FDFT1: variants seen among roughly 807,000 people sequenced by gnomAD.
FDFT1 encodes farnesyl-diphosphate farnesyltransferase 1.
In FDFT1, 68 loss-of-function variants were observed where a neutral mutation model predicts 46.8. The observed-to-expected ratio is 1.45, with a 90% CI of 1.19 to 1.78. FDFT1 has a LOEUF of 1.78. FDFT1 is among the 40% of genes most tolerant of loss of function. The probability of loss-of-function intolerance (pLI) is 0.00; values close to 1 mark genes in which losing one functional copy is unlikely to be tolerated. For synonymous variants in FDFT1, 351 were observed against 185.1 expected (o/e 1.90, Z -7.28); for missense variants, 928 against 524.4 (o/e 1.77, Z -7.52).
chr8:11,803,192 G>T, intron 1 of FDFT1: 2 of 1,410,970 alleles, frequency 1.4e-6, no homozygotes, highest in Non-Finnish European at 1.9e-6. Flanking sequence ...TGCGCTCCCC[G>T]TTTCGTCCCC....
At chr8:11,822,093 G>T (rs10465005) in intron 4 of FDFT1, among the ~76,000 whole-genome samples, 23 of 152,286 alleles carry the variant, frequency 1.5e-4, no homozygotes, top group African/African-American at 4.6e-4. Context: ...TAGGAGTAGG[G>T]TACTGGAGAG....
At chr8:11,825,537 C>A (rs1488612586) in intron 4 of FDFT1, among the ~76,000 whole-genome samples, 3 of 44,376 alleles carry the variant, frequency 6.8e-5, no homozygotes, top group Non-Finnish European at 1.4e-4. Flanking sequence ...GAGACTTGAT[C>A]TCAAAAAAAA....
intron 7 of FDFT1, among the ~76,000 whole-genome samples, chr8:11,832,377 A>G (rs905797268): frequency 2.6e-5 from 4 of 151,562 alleles, no homozygotes; most frequent in Non-Finnish European, 4.4e-5. Flanking sequence ...CGACATAGCA[A>G]GACCCCATTT....
chr8:11,802,233 T>TG (rs1307453642), upstream of FDFT1: 2 of 386,136 alleles, frequency 5.2e-6, no homozygotes, highest in Non-Finnish European at 1.0e-5. Flanking sequence ...AGCTTGGCGC[T>TG]GGCCCGGCCT....
Position 11,826,098 on chromosome 8 carries a change from C to T in FDFT1, c.585C>T (p.Pro195=), listed in dbSNP as rs780279430. 2 of 1,611,482 alleles carry T rather than the reference C, an allele frequency of 1.2e-6. No individual in the cohort carries two copies. Among genetic ancestry groups the T allele is most frequent in the East Asian group, 2.2e-5 (1 of 44,818 alleles). Reference sequence around the variant, plus strand: ...TCTCAGCCTCAGAGTTTGAAGACCCCTTAGTTGGTGAAGATACAGAACGTG... The same window carrying T: ...TCTCAGCCTCAGAGTTTGAAGACCCTTTAGTTGGTGAAGATACAGAACGTG... ...RLFSASEFED[P]LVGEDTERAN... Residue 195 remains proline (P), a synonymous_variant, in exon 5 of 8, where the codon CCC becomes CCT. Coordinates refer to ENST00000220584, the MANE Select transcript of FDFT1 (RefSeq NM_004462.5).
In FDFT1 at chr8:11,802,805, C is replaced by A. The variant is rs377211006; in HGVS notation, c.-28C>A. On this transcript the variant is annotated 5_prime_UTR_variant, in exon 1 of 8. Coordinates refer to ENST00000220584, the MANE Select transcript of FDFT1 (RefSeq NM_004462.5). ...CTGGGGACCGCAGAGGTGAGAGTCG[C>A]GCCCGGGAGTCCGCCGCCTGCGCCA... is the stretch of plus-strand genomic sequence containing the variant. 5.1e-6 allele frequency: 8 copies of A among 1,574,206 alleles called. No homozygotes were observed. The highest frequency in any genetic ancestry group is 6.1e-6 in the Non-Finnish European group (7 of 1,152,984).
intron 3 of FDFT1, among the ~76,000 whole-genome samples, chr8:11,810,904 T>C (rs1807622083): frequency 6.9e-6 from 1 of 144,488 alleles, no homozygotes; most frequent in African/African-American, 2.6e-5. Flanking sequence ...AAAGAATCTT[T>C]GATTCTTGGG....
chr8:11,802,015 A>G (rs371283478), upstream of FDFT1: 96 of 456,024 alleles, frequency 2.1e-4, no homozygotes, highest in African/African-American at 1.6e-3. Flanking sequence ...CTAGGGCTGG[A>G]GAGATCTAGG....
chr8:11,809,925 T>C (rs1383720968), intron 3 of FDFT1, 75 bp downstream of exon 3: 5 of 1,146,930 alleles, frequency 4.4e-6, no homozygotes, highest in Non-Finnish European at 6.3e-6. Flanking sequence ...GTAGCCTCCA[T>C]ACATGTGGAG....
At chr8:11,819,790 C>T (rs961349379) in intron 3 of FDFT1, among the ~76,000 whole-genome samples, 3 of 152,102 alleles carry the variant, frequency 2.0e-5, no homozygotes, top group East Asian at 1.9e-4. Flanking sequence ...TCGGTCAGAA[C>T]GTGCTGCTTT....
chr8:11,831,751 A>G lies in FDFT1; in HGVS notation c.1032+81A>G. 4 of 1,154,254 alleles carry G rather than the reference A, an allele frequency of 3.5e-6. No individual in the cohort carries two copies. The South Asian group carries it at 5.1e-5, about 15-fold the overall frequency. The allele number at this position is 1,154,254 out of a possible 1,614,324, so 71.5% of individuals were successfully genotyped here. ...TGTCACTGTTTAACCAGGTTTGGAT[A>G]TTAGATGATCCTAACAATTCACTAT... On this transcript the variant is annotated intron_variant, in intron 7 of 7. Transcript: ENST00000220584.
chr8:11,811,532 C>T (rs527542648), intron 3 of FDFT1, among the ~76,000 whole-genome samples: 18 of 152,304 alleles, frequency 1.2e-4, no homozygotes, highest in African/African-American at 3.4e-4. Flanking sequence ...GGAATATCGC[C>T]GTCAGATTTC....
At chr8:11,825,244 G>C (rs1253940411) in intron 4 of FDFT1, among the ~76,000 whole-genome samples, 1 of 151,920 alleles carries the variant, frequency 6.6e-6, no homozygotes, top group Non-Finnish European at 1.5e-5. Context: ...GTATCAAAAA[G>C]TTTATTGTAA....
chr8:11,797,720 C>T (rs2686189), upstream of FDFT1, among the ~76,000 whole-genome samples: 91,233 of 150,728 alleles, frequency 0.61, 29,472 homozygotes, highest in East Asian at 0.97. Flanking sequence ...CAGGAAACAC[C>T]AGAAAAGGAT....
intron 3 of FDFT1, among the ~76,000 whole-genome samples, chr8:11,816,443 G>C (rs1043325205): frequency 6.6e-6 from 1 of 152,128 alleles, no homozygotes; most frequent in East Asian, 1.9e-4. Flanking sequence ...CATTGAATCT[G>C]TAAATTACCT....
chr8:11,816,227 A>C (rs570353076), intron 3 of FDFT1, among the ~76,000 whole-genome samples: 3 of 152,258 alleles, frequency 2.0e-5, no homozygotes, highest in East Asian at 3.9e-4. Flanking sequence ...ATTGGTGTAC[A>C]TATCTGTTTT....
chr8:11,814,496 C>A (rs545319489), intron 3 of FDFT1, among the ~76,000 whole-genome samples: 1 of 152,120 alleles, frequency 6.6e-6, no homozygotes, highest in Non-Finnish European at 1.5e-5. Flanking sequence ...TGCATACTTT[C>A]AATGTTTAAC....
At chr8:11,837,107 C>T (rs2130914151) in intron 7 of FDFT1, among the ~76,000 whole-genome samples, 1 of 152,316 alleles carries the variant, frequency 6.6e-6, no homozygotes, top group Non-Finnish European at 1.5e-5. Flanking sequence ...GACTTGGGGG[C>T]CTAGGTAGGA....
At chr8:11,818,124 T>C (rs887178504) in intron 3 of FDFT1, among the ~76,000 whole-genome samples, 2 of 152,230 alleles carry the variant, frequency 1.3e-5, no homozygotes, top group African/African-American at 4.8e-5. Flanking sequence ...ATGTACCCAG[T>C]AGTCATTCAG....
Sources: allele counts gnomAD v4.1 joint callset (sites outside exome capture counted in the v4.1 genomes callset), GRCh38; gene constraint gnomAD v4.1.1; transcripts MANE v1.5; gene names NCBI Gene and HGNC (gene_info 2026-07-23, HGNC 2026-07-21).